AUTS2: variants seen among roughly 807,000 people sequenced by gnomAD.
The protein encoded by AUTS2 is activator of transcription and developmental regulator AUTS2.
AUTS2 carries 17 observed loss-of-function variants against 112.4 expected under a neutral mutation model. The observed-to-expected ratio is 0.15, with a 90% confidence interval of 0.10 to 0.23. AUTS2 has a LOEUF of 0.23. Among genes scored for constraint, AUTS2 ranks in the 10% least tolerant of loss-of-function variants. The pLI is 1.00. For synonymous variants in AUTS2, 751 were observed against 702.7 expected (o/e 1.07, Z -1.09); for missense variants, 1,510 against 1,701.6 (o/e 0.89, Z 1.98).
chr7:69,728,503 A>C (rs1194527384), intron 1 of AUTS2, among the ~76,000 whole-genome samples: 1 of 152,156 alleles, frequency 6.6e-6, no homozygotes, highest in Non-Finnish European at 1.5e-5. Context: ...TGTCTTTTTA[A>C]TGTAATGTCT....
In AUTS2 at chr7:70,771,652, A is replaced by G. The variant is rs1790348156; in HGVS notation, c.1830+8A>G. The G allele has an allele frequency of 6.2e-7, 1 of 1,611,444 alleles. No homozygotes were observed. The highest frequency in any genetic ancestry group is 2.2e-5 in the East Asian group (1 of 44,848). ...GGAGCATTTCAGCCGAAGGTAAGAA[A>G]CCTCACAGTGAAAACACACAGGCAT... On this transcript the variant is annotated splice_region_variant and intron_variant, in intron 11 of 18. Coordinates refer to ENST00000342771, the MANE Select transcript of AUTS2 (RefSeq NM_015570.4).
chr7:70,091,161 A>G (rs1803898799), intron 2 of AUTS2, among the ~76,000 whole-genome samples: 2 of 152,162 alleles, frequency 1.3e-5, no homozygotes, highest in Admixed American at 6.5e-5. Flanking sequence ...TTGCAATTGC[A>G]TTTTTTAAGT....
At chr7:69,663,604 T>C (rs943597752) in intron 1 of AUTS2, among the ~76,000 whole-genome samples, 3 of 152,182 alleles carry the variant, frequency 2.0e-5, no homozygotes, top group African/African-American at 4.8e-5. Context: ...AAGGATTGGG[T>C]TGTGTATACC....
intron 2 of AUTS2, among the ~76,000 whole-genome samples, chr7:69,997,505 T>G (rs1798999897): frequency 1.3e-5 from 2 of 152,188 alleles, no homozygotes; most frequent in African/African-American, 4.8e-5. Flanking sequence ...CTGGGTAATT[T>G]ATAAAGAAAG....
At chr7:70,524,679 A>T (rs1799770730) in intron 5 of AUTS2, among the ~76,000 whole-genome samples, 1 of 152,198 alleles carries the variant, frequency 6.6e-6, no homozygotes, top group African/African-American at 2.4e-5. Context: ...TGCCTTGACT[A>T]TTACTCCAGT....
chr7:70,695,366 G>A (rs1809028013), intron 5 of AUTS2, among the ~76,000 whole-genome samples: 1 of 152,242 alleles, frequency 6.6e-6, no homozygotes, highest in African/African-American at 2.4e-5. Context: ...GCCTGCGTCC[G>A]CTTGAGCTGG....
intron 1 of AUTS2, among the ~76,000 whole-genome samples, chr7:69,890,377 C>A (rs1794467579): frequency 6.6e-6 from 1 of 152,178 alleles, no homozygotes; most frequent in African/African-American, 2.4e-5. Flanking sequence ...AGTGGCACTG[C>A]AGCATTGACA....
intron 4 of AUTS2, among the ~76,000 whole-genome samples, chr7:70,272,192 A>G (rs1052009572): frequency 1.3e-5 from 2 of 152,082 alleles, no homozygotes; most frequent in Non-Finnish European, 2.9e-5. Flanking sequence ...ATTTTATATC[A>G]TTACTTCAAA....
In AUTS2 at chr7:70,780,713, A is replaced by G. The variant is rs549926713; in HGVS notation, c.2005-902A>G. On this transcript the variant is annotated intron_variant, in intron 14 of 18. Coordinates refer to ENST00000342771, the MANE Select transcript of AUTS2 (RefSeq NM_015570.4). The stretch of plus-strand genomic sequence containing the variant: ...CCTTCCTCAGGTAATTACAGGTAGT[A>G]GGAAGAGAAAGGGCCTCTGTTAGTT... Among the ~76,000 whole-genome samples, 125 of 152,312 alleles carry G rather than the reference A, an allele frequency of 8.2e-4. 1 individual carries two copies. The highest frequency in any genetic ancestry group is 2.9e-3 in the African/African-American group (119 of 41,580).
chr7:70,790,309 T>C lies in AUTS2; in HGVS notation c.3093T>C (p.Ile1031=), dbSNP rs1791830794. 6.2e-7 allele frequency: 1 copy of C among 1,613,428 alleles called. No individual in the cohort carries two copies. Among genetic ancestry groups the C allele is most frequent in the African/African-American group, 1.3e-5 (1 of 74,888 alleles). The part of the protein sequence containing the change: ...SMPMTVGVTG[I]HPMNSISSLD... Reference sequence around the variant, plus strand: ...CCATGACGGTGGGGGTGACGGGCATTCACCCCATGAACAGCATCAGCAGCC... The same window carrying C: ...CCATGACGGTGGGGGTGACGGGCATCCACCCCATGAACAGCATCAGCAGCC... Residue 1031 remains isoleucine (I), a synonymous_variant, in exon 19 of 19, where the codon ATT becomes ATC. Transcript: ENST00000342771. The surrounding 1 kb of genome is among the most constrained non-coding windows in gnomAD (Gnocchi z 7.6).
At chr7:70,013,137 T>C (rs1433932520) in intron 2 of AUTS2, among the ~76,000 whole-genome samples, 1 of 152,218 alleles carries the variant, frequency 6.6e-6, no homozygotes, top group Admixed American at 6.5e-5. Context: ...AACTTATTTG[T>C]GCTGCAGGCT....
At chr7:70,681,015 A>G (rs1345640860) in intron 5 of AUTS2, among the ~76,000 whole-genome samples, 2 of 152,214 alleles carry the variant, frequency 1.3e-5, no homozygotes, top group Non-Finnish European at 2.9e-5. Context: ...GAGAATATGA[A>G]AAGTTGTACA....
At chr7:70,680,707 T>C (rs1318880338) in intron 5 of AUTS2, among the ~76,000 whole-genome samples, 1 of 152,220 alleles carries the variant, frequency 6.6e-6, no homozygotes, top group Admixed American at 6.5e-5. Context: ...CCTAGTAGAA[T>C]GTTGTTTGTG....
intron 4 of AUTS2, among the ~76,000 whole-genome samples, chr7:70,432,706 A>G (rs1795726425): frequency 6.6e-6 from 1 of 152,144 alleles, no homozygotes; most frequent in Non-Finnish European, 1.5e-5. Flanking sequence ...GAGTGCATTT[A>G]TTGGCTTTGC....
chr7:70,206,371 TG>T (rs1444918170), intron 4 of AUTS2, among the ~76,000 whole-genome samples: 1 of 152,160 alleles, frequency 6.6e-6, no homozygotes, highest in South Asian at 2.1e-4. Flanking sequence ...ATCTGTTTTT[TG>T]TTTTTTTTTC....
intron 4 of AUTS2, among the ~76,000 whole-genome samples, chr7:70,321,338 T>A (rs1180115919): frequency 6.6e-6 from 1 of 152,228 alleles, no homozygotes; most frequent in African/African-American, 2.4e-5. Flanking sequence ...ATTTTCATAT[T>A]AGAATAGCTT....
chr7:69,809,232 G>A (rs1202144510), intron 1 of AUTS2, among the ~76,000 whole-genome samples: 4 of 151,984 alleles, frequency 2.6e-5, no homozygotes, highest in South Asian at 2.1e-4. Flanking sequence ...CCGCCACCAC[G>A]CCTGGCTAAT....
At chr7:70,247,789 G>T (rs573295326) in intron 4 of AUTS2, among the ~76,000 whole-genome samples, 11 of 152,042 alleles carry the variant, frequency 7.2e-5, no homozygotes, top group Non-Finnish European at 1.2e-4. Flanking sequence ...ATGTCAAATA[G>T]AATAATAATA....
chr7:70,659,604 A>AC (rs1806960544), intron 5 of AUTS2, among the ~76,000 whole-genome samples: 1 of 152,180 alleles, frequency 6.6e-6, no homozygotes, highest in Non-Finnish European at 1.5e-5. Flanking sequence ...GGTTCAAGTT[A>AC]TGGACATTAC....
Sources: allele counts gnomAD v4.1 joint callset (sites outside exome capture counted in the v4.1 genomes callset), GRCh38; gene constraint gnomAD v4.1.1; non-coding constraint Gnocchi (gnomAD v3.1); transcripts MANE v1.5; gene names NCBI Gene and HGNC (gene_info 2026-07-23, HGNC 2026-07-21).